UBE2K: variants seen among roughly 807,000 people sequenced by gnomAD.
The protein encoded by UBE2K is ubiquitin conjugating enzyme E2 K, also known as ubiquitin-conjugating enzyme E2 K.
UBE2K carries 6 observed loss-of-function variants against 30.0 expected under a neutral mutation model. That is an observed-to-expected ratio of 0.20 (90% CI 0.11 to 0.39). The LOEUF is 0.39. UBE2K is among the 10% of genes least tolerant of loss of function. The pLI, the probability that UBE2K is intolerant of heterozygous loss-of-function variation, is 1.00. For synonymous variants in UBE2K, 86 were observed against 83.7 expected, an observed-to-expected ratio of 1.03 and a Z score of -0.15; for missense variants, 61 against 241.6, an observed-to-expected ratio of 0.25 and a Z score of 4.96.
intron 1 of UBE2K, among the ~76,000 whole-genome samples, chr4:39,733,237 A>G (rs1341581216): frequency 1.3e-5 from 2 of 152,048 alleles, no homozygotes; most frequent in Non-Finnish European, 2.9e-5. Flanking sequence ...TGAAGTGAAT[A>G]ACACATTATT....
chr4:39,753,154 T>C (rs1255094504), intron 3 of UBE2K, among the ~76,000 whole-genome samples: 1 of 152,202 alleles, frequency 6.6e-6, no homozygotes, highest in Non-Finnish European at 1.5e-5. Flanking sequence ...TTTGGGAGCC[T>C]ATGTCGGGTG....
chr4:39,759,672 C>G (rs1438288842), intron 4 of UBE2K, among the ~76,000 whole-genome samples: 2 of 152,158 alleles, frequency 1.3e-5, no homozygotes, highest in Non-Finnish European at 2.9e-5. Flanking sequence ...CTAATGGTGT[C>G]TACTTACCTG....
chr4:39,709,178 T>C (rs967198311), intron 1 of UBE2K, among the ~76,000 whole-genome samples: 3 of 152,050 alleles, frequency 2.0e-5, no homozygotes, highest in Non-Finnish European at 4.4e-5. Flanking sequence ...TGGGACATAA[T>C]TAAACATTCA....
In UBE2K at chr4:39,770,846, C is replaced by G. The variant is rs1260767042; in HGVS notation, c.300-3988C>G. ...TGTCAGATACGTCCTCATCCTCATC[C>G]TCTTCCTCGGCTTTCAGCTCCAAGT... On this transcript the variant is annotated intron_variant, in intron 4 of 6. Coordinates refer to ENST00000261427, the MANE Select transcript of UBE2K (RefSeq NM_005339.5). The G allele has an allele frequency of 5.8e-6, 9 of 1,540,744 alleles. No individual in the cohort carries two copies. The East Asian group carries it at 1.4e-4, about 23-fold the overall frequency.
intron 1 of UBE2K, chr4:39,710,128 A>C (rs954955092): frequency 6.6e-6 from 1 of 152,042 alleles, no homozygotes. Flanking sequence ...AAAGGAAAAA[A>C]GTCTGTAACT....
At chr4:39,745,524 TACTC>T (rs1720945158) in intron 2 of UBE2K, among the ~76,000 whole-genome samples, 1 of 152,248 alleles carries the variant, frequency 6.6e-6, no homozygotes, top group African/African-American at 2.4e-5. Context: ...CTGGCCTTGT[TACTC>T]ACTGATAAAC....
chr4:39,762,950 T>A lies in UBE2K; in HGVS notation c.299+7211T>A, dbSNP rs1301236976. On this transcript the variant is annotated intron_variant, in intron 4 of 6. Coordinates refer to ENST00000261427, the MANE Select transcript of UBE2K (RefSeq NM_005339.5). ...GCCAAAAAACACTTTTTTTTTTTTTTTTTTTTTTTTTTTGGAGACTGTCGC... is the reference window on the plus strand; with the variant it reads ...GCCAAAAAACACTTTTTTTTTTTTTATTTTTTTTTTTTTGGAGACTGTCGC... Among the ~76,000 whole-genome samples, 3 of 139,804 alleles carry A rather than the reference T, an allele frequency of 2.1e-5. 1 individual carries two copies. The highest frequency in any genetic ancestry group is 1.6e-5 in the Non-Finnish European group (1 of 62,698). 91.7% of individuals were successfully genotyped at this position (139,804 alleles called of 152,430 possible). A position where few individuals can be genotyped will look rare whatever the true frequency, so the allele number is the denominator to read the frequency against.
intron 2 of UBE2K, among the ~76,000 whole-genome samples, chr4:39,742,205 G>GTT (rs1406396224): frequency 6.6e-6 from 1 of 151,970 alleles, no homozygotes; most frequent in Admixed American, 6.6e-5. Context: ...TTCTTAGGAA[G>GTT]GAAAAAGAAA....
At chr4:39,737,643 T>C in intron 2 of UBE2K, 130 bp downstream of exon 2, 1 of 564,396 alleles carries the variant, frequency 1.8e-6, no homozygotes, top group Non-Finnish European at 3.0e-6. Flanking sequence ...AACAGCAATT[T>C]AAAAAATACT....
chr4:39,702,429 T>C (rs1210304527), intron 1 of UBE2K, among the ~76,000 whole-genome samples: 4 of 151,756 alleles, frequency 2.6e-5, no homozygotes, highest in Non-Finnish European at 5.9e-5. Context: ...TAATTTTGTA[T>C]TTTAAGTAGA....
In UBE2K at chr4:39,771,472, G is replaced by A. The variant is rs1578506488; in HGVS notation, c.300-3362G>A. 6 of 1,524,982 alleles carry A rather than the reference G, an allele frequency of 3.9e-6. No homozygotes were observed. The African/African-American group carries it at 5.6e-5, about 14-fold the overall frequency. 94.5% of individuals were successfully genotyped at this position (1,524,982 alleles called of 1,614,324 possible). On this transcript the variant is annotated intron_variant, in intron 4 of 6. Coordinates refer to ENST00000261427, the MANE Select transcript of UBE2K (RefSeq NM_005339.5). ...GTGGGCAACCCTGGCCCGGTTCCGCGCGCTGTTTTTTTTTAATCCCCTATT... is the reference window on the plus strand; with the variant it reads ...GTGGGCAACCCTGGCCCGGTTCCGCACGCTGTTTTTTTTTAATCCCCTATT...
intron 2 of UBE2K, among the ~76,000 whole-genome samples, chr4:39,739,553 TCTC>T (rs1356560606): frequency 6.8e-6 from 1 of 146,230 alleles, no homozygotes. Context: ...TTCAAGCAAT[TCTC>T]CTGCCTCAGC....
intron 4 of UBE2K, chr4:39,771,348 C>G: frequency 6.2e-7 from 1 of 1,612,718 alleles, no homozygotes; most frequent in Non-Finnish European, 8.5e-7. Flanking sequence ...CGCAGAACCA[C>G]TCCTCTGCCC....
intron 1 of UBE2K, among the ~76,000 whole-genome samples, chr4:39,724,121 A>AT (rs11295454): frequency 7.0e-5 from 10 of 142,528 alleles, no homozygotes; most frequent in Non-Finnish European, 6.1e-5. Context: ...TCCTTTTTTA[A>AT]TTTTTTTTTT....
At position 39,779,966 on chromosome 4, in the gene UBE2K, C is replaced by T. The variant is rs893325779; in HGVS notation, c.*1532C>T. 23 of 151,998 alleles carry T rather than the reference C, an allele frequency of 1.5e-4. No individual in the cohort carries two copies. Among genetic ancestry groups the T allele is most frequent in the African/African-American group, 5.1e-4 (21 of 41,398 alleles). 9.4% of individuals were successfully genotyped at this position (151,998 alleles called of 1,614,324 possible). A position where few individuals can be genotyped will look rare whatever the true frequency, so the allele number is the denominator to read the frequency against. On this transcript the variant is annotated 3_prime_UTR_variant, in exon 7 of 7. Coordinates refer to ENST00000261427, the MANE Select transcript of UBE2K (RefSeq NM_005339.5). ...ATTTGACTTCTCAATAATCTTGATA[C>T]TAGAAGCAATAAAAGAACCATTATT...
intron 1 of UBE2K, among the ~76,000 whole-genome samples, chr4:39,736,307 CA>C (rs1429343857): frequency 6.6e-6 from 1 of 152,030 alleles, no homozygotes; most frequent in Non-Finnish European, 1.5e-5. Context: ...CTAAAAATAA[CA>C]AAAATTAGCT....
chr4:39,745,822 C>T lies in UBE2K; in HGVS notation c.216+12C>T, dbSNP rs768800170. 6.3e-7 allele frequency: 1 copy of T among 1,574,988 alleles called. No individual in the cohort carries two copies. The highest frequency in any genetic ancestry group is 1.2e-5 in the South Asian group (1 of 84,408). On this transcript the variant is annotated intron_variant, in intron 3 of 6. Coordinates refer to ENST00000261427, the MANE Select transcript of UBE2K (RefSeq NM_005339.5). Reference sequence around the variant, plus strand: ...TTAATCCCCCTAAGGTATTGTAAGCCTATTTTTGTGCATGAAGTTACAAAA... The same window carrying T: ...TTAATCCCCCTAAGGTATTGTAAGCTTATTTTTGTGCATGAAGTTACAAAA...
At chr4:39,722,998 C>G (rs1719514127) in intron 1 of UBE2K, among the ~76,000 whole-genome samples, 1 of 151,636 alleles carries the variant, frequency 6.6e-6, no homozygotes, top group African/African-American at 2.4e-5. Context: ...GTTGGCCAGG[C>G]TGGTCTCAAA....
intron 2 of UBE2K, among the ~76,000 whole-genome samples, chr4:39,745,253 A>G (rs1720931512): frequency 6.6e-6 from 1 of 152,266 alleles, no homozygotes; most frequent in South Asian, 2.1e-4. Context: ...TAGGGCACAA[A>G]TGAAAAGATT....
Sources: gnomAD v4.1 joint callset for allele counts (sites outside exome capture counted in the v4.1 genomes callset) on GRCh38, gnomAD v4.1.1 for gene constraint, MANE v1.5 for transcripts, NCBI Gene and HGNC (gene_info 2026-07-23, HGNC 2026-07-21) for gene names.